HDHD5: variants seen among roughly 807,000 people sequenced by gnomAD.
HDHD5 encodes haloacid dehalogenase like hydrolase domain containing 5.
A neutral mutation model predicts 35.5 loss-of-function variants in HDHD5; 34 were observed. The observed-to-expected ratio is 0.96, with a 90% CI of 0.73 to 1.28. The LOEUF (loss-of-function observed/expected upper bound fraction) is 1.28, where lower values mean the gene tolerates loss of function less well. Ranked by LOEUF, HDHD5 falls within the 50% of genes most tolerant of loss-of-function variation. HDHD5 has a pLI of 0.00. For missense variants in HDHD5, 589 were observed against 560.2 expected (o/e 1.05, Z -0.52); for synonymous variants, 248 against 240.6 (o/e 1.03, Z -0.29).
chr22:17,157,825 ACTAC>A (rs1215077350), intron 1 of HDHD5, among the ~76,000 whole-genome samples: 1 of 152,210 alleles, frequency 6.6e-6, no homozygotes, highest in African/African-American at 2.4e-5. Context: ...CTGGCACCAG[ACTAC>A]CTGAGTTCCA....
At chr22:17,147,558 G>A (rs550478114) in intron 3 of HDHD5, among the ~76,000 whole-genome samples, 3 of 136,226 alleles carry the variant, frequency 2.2e-5, no homozygotes, top group South Asian at 2.4e-4. Flanking sequence ...TGAGCTTACC[G>A]GCCTTCGATC....
intron 3 of HDHD5, 30 bp downstream of exon 3, chr22:17,148,418 C>T: frequency 6.3e-7 from 1 of 1,577,060 alleles, no homozygotes; most frequent in South Asian, 1.1e-5. Context: ...TGCCCCTTCC[C>T]TTCAGCCAGA....
At chr22:17,159,700 G>A, upstream of HDHD5, 1 of 302,392 alleles carries the variant, frequency 3.3e-6, no homozygotes. Flanking sequence ...GTCAAGGGAC[G>A]CTCGTCGCGC....
chr22:17,159,973 G>C (rs1386275098), upstream of HDHD5: 1 of 159,820 alleles, frequency 6.3e-6, no homozygotes, highest in Admixed American at 6.5e-5. Context: ...GTCACTGAAA[G>C]TGGAGAGGTA....
In HDHD5 at chr22:17,143,355, G is replaced by A. The variant is rs2061620949; in HGVS notation, c.538-224C>T. ...GGCCACAGAACAGGCAGGACACCAT[G>A]GGTGAAGTCACCAGGAGGAAGGGTG... On this transcript the variant is annotated intron_variant, in intron 4 of 7. Transcript: ENST00000336737. 6.3e-6 allele frequency: 3 copies of A among 476,774 alleles called. No homozygotes were observed. The South Asian group carries it at 1.0e-4, about 16-fold the overall frequency. The allele number at this position is 476,774 out of a possible 1,614,324, so 29.5% of individuals were successfully genotyped here.
chr22:17,157,616 G>C (rs1276506363), intron 1 of HDHD5, among the ~76,000 whole-genome samples: 3 of 152,156 alleles, frequency 2.0e-5, no homozygotes, highest in Non-Finnish European at 2.9e-5. Context: ...CAATACAACA[G>C]TTATAAATAA....
chr22:17,146,322 G>A (rs1444167148), intron 3 of HDHD5, among the ~76,000 whole-genome samples: 2 of 150,062 alleles, frequency 1.3e-5, no homozygotes, highest in African/African-American at 4.9e-5. Flanking sequence ...TGAGCTTACC[G>A]GCCTTCAATC....
intron 4 of HDHD5, 84 bp downstream of exon 4, chr22:17,144,940 G>T: frequency 6.6e-7 from 1 of 1,503,768 alleles, no homozygotes. Flanking sequence ...CTGCAGGAGG[G>T]CTTGCAAGGT....
At chr22:17,160,006 C>G (rs1231375258), upstream of HDHD5, among the ~76,000 whole-genome samples, 3 of 152,224 alleles carry the variant, frequency 2.0e-5, no homozygotes, top group Non-Finnish European at 4.4e-5. Context: ...CGTGGAGGCC[C>G]TTAGCAGAGC....
intron 3 of HDHD5, among the ~76,000 whole-genome samples, chr22:17,146,196 T>C (rs912357599): frequency 6.6e-6 from 1 of 152,028 alleles, no homozygotes; most frequent in Non-Finnish European, 1.5e-5. Context: ...CTACTTCCCC[T>C]GCTTAGGAGC....
chr22:17,154,994 T>C (rs1405839656), intron 1 of HDHD5, among the ~76,000 whole-genome samples: 4 of 151,978 alleles, frequency 2.6e-5, no homozygotes, highest in Non-Finnish European at 5.9e-5. Context: ...AAATCAGAGA[T>C]TTACTTTAAA....
chr22:17,149,794 A>G (rs1568946636), intron 1 of HDHD5, 49 bp from the exon 2 acceptor site: 1 of 1,547,882 alleles, frequency 6.5e-7, no homozygotes, highest in Admixed American at 1.7e-5. Flanking sequence ...CAAAGAAACA[A>G]CCCTTACAAA....
rs552311705 is a variant in HDHD5, at chr22:17,145,580, T to C, written c.444-463A>G. On this transcript the variant is annotated intron_variant, in intron 3 of 7. Transcript: ENST00000336737. ...GGCATGGTGGTGCACACCTGTCGTC[T>C]ACTCAGGAGGCTGGGGCAGGAGGAT... 3.9e-5 allele frequency among the ~76,000 whole-genome samples: 6 copies of C among 152,122 alleles called. No homozygotes were observed. In the South Asian group the frequency reaches 1.2e-3, roughly 32 times the overall value.
At chr22:17,151,727 T>TAA (rs59104154) in intron 1 of HDHD5, among the ~76,000 whole-genome samples, 13 of 113,116 alleles carry the variant, frequency 1.1e-4, no homozygotes, top group African/African-American at 3.5e-4. Context: ...TAGACTCTAC[T>TAA]AAAAAAAAAA....
At position 17,138,232 on chromosome 22, in the gene HDHD5, T is replaced by A. The variant is rs760798637; in HGVS notation, c.1061A>T (p.Gln354Leu). 1.9e-5 allele frequency: 30 copies of A among 1,614,072 alleles called. No individual in the cohort carries two copies. Among genetic ancestry groups the A allele is most frequent in the Non-Finnish European group, 2.4e-5 (28 of 1,180,042 alleles). Residue 354 changes from glutamine to leucine, a missense_variant, in exon 8 of 8, where the codon CAG becomes CTG. Coordinates refer to ENST00000336737, the MANE Select transcript of HDHD5 (RefSeq NM_033070.3). ...ACACACCAGGATGGAGATGCAGCTCTGGCTTGCTGAGGGCTGTTGCTGCCG... is the reference window on the plus strand; with the variant it reads ...ACACACCAGGATGGAGATGCAGCTCAGGCTTGCTGAGGGCTGTTGCTGCCG... ...GTRQQQPSAS[Q>L]SCISILVCTG... is the part of the protein sequence containing the mutation.
At chr22:17,144,899 G>A in intron 4 of HDHD5, 125 bp downstream of exon 4, 2 of 1,156,816 alleles carry the variant, frequency 1.7e-6, no homozygotes, top group Non-Finnish European at 1.2e-6. Flanking sequence ...AGCCAGATGT[G>A]CCTCCAAAGA....
At chr22:17,153,945 A>C (rs907405134) in intron 1 of HDHD5, among the ~76,000 whole-genome samples, 3 of 151,792 alleles carry the variant, frequency 2.0e-5, no homozygotes, top group African/African-American at 4.8e-5. Flanking sequence ...AACCTCCATC[A>C]CCTGGGCTCA....
At chr22:17,150,752 T>C (rs769799626) in intron 1 of HDHD5, among the ~76,000 whole-genome samples, 3 of 152,092 alleles carry the variant, frequency 2.0e-5, no homozygotes, top group Non-Finnish European at 4.4e-5. Context: ...CTCCTGACCT[T>C]AGGTGATTCA....
chr22:17,159,402 G>A (rs567135617), upstream of HDHD5: 2 of 865,704 alleles, frequency 2.3e-6, no homozygotes, highest in African/African-American at 1.8e-5. Context: ...TATGGAACTC[G>A]ACCCGCAGGC....
Sources: gnomAD v4.1 joint callset for allele counts (sites outside exome capture counted in the v4.1 genomes callset) on GRCh38, gnomAD v4.1.1 for gene constraint, MANE v1.5 for transcripts, NCBI Gene and HGNC (gene_info 2026-07-23, HGNC 2026-07-21) for gene names.